Variants in UPF2 observed in about 807,000 individuals in gnomAD.
UPF2 encodes regulator of nonsense transcripts 2.
Under a neutral mutation model 141.4 loss-of-function variants are expected in UPF2, and 17 were observed. The observed-to-expected ratio is 0.12, with a 90% CI of 0.08 to 0.18. The LOEUF is 0.18. Among genes scored for constraint, UPF2 ranks in the 10% least tolerant of loss-of-function variants. The pLI is 1.00. For synonymous variants in UPF2, 540 were observed against 498.0 expected, an observed-to-expected ratio of 1.08 and a Z score of -1.12; for missense variants, 1,152 against 1,515.9, an observed-to-expected ratio of 0.76 and a Z score of 3.99.
At position 11,931,029 on chromosome 10, in the gene UPF2, T is replaced by C. The variant is rs530927400; in HGVS notation, c.3688+612A>G. Among the ~76,000 whole-genome samples the C allele has an allele frequency of 2.6e-4, 40 of 152,244 alleles. No homozygotes were observed. In the South Asian group the frequency reaches 5.8e-3, roughly 22 times the overall value. ...CCAACTAACTGAAAAATGCTGGGTATGTATGCATAAAATGAGAATCCTAAT... is the reference window on the plus strand; with the variant it reads ...CCAACTAACTGAAAAATGCTGGGTACGTATGCATAAAATGAGAATCCTAAT... On this transcript the variant is annotated intron_variant, in intron 20 of 21. Transcript: ENST00000357604. This position sits in a 1 kb window ranked among gnomAD's most constrained non-coding sequence, Gnocchi z 5.9.
At chr10:11,990,540 C>T (rs932343459) in intron 8 of UPF2, among the ~76,000 whole-genome samples, 5 of 151,868 alleles carry the variant, frequency 3.3e-5, no homozygotes, top group Middle Eastern at 3.4e-3. Flanking sequence ...ATTAGCCGGG[C>T]GTGGTGGCAG....
At chr10:12,027,272 T>G (rs1332133603) in intron 3 of UPF2, among the ~76,000 whole-genome samples, 1 of 152,216 alleles carries the variant, frequency 6.6e-6, no homozygotes, top group African/African-American at 2.4e-5. Context: ...GAAAGGTGAA[T>G]GGATTGGATT....
In UPF2 at chr10:11,990,221, C is replaced by T. The variant is rs534237326; in HGVS notation, c.1844+7451G>A. ...TCAACATGCTTCTTTCAATGATAAA[C>T]ACATATTGTTTCTCTATAGTTTGAC... On this transcript the variant is annotated intron_variant, in intron 8 of 21. Coordinates refer to ENST00000357604, the MANE Select transcript of UPF2 (RefSeq NM_015542.4). 7.4e-4 allele frequency among the ~76,000 whole-genome samples: 113 copies of T among 152,284 alleles called. 2 individuals carry two copies. In the South Asian group the frequency reaches 9.1e-3, roughly 12 times the overall value.
chr10:11,998,270 T>C lies in UPF2; in HGVS notation c.1759-513A>G, dbSNP rs1344828601. Among the ~76,000 whole-genome samples the C allele has an allele frequency of 6.6e-6, 1 of 152,130 alleles. No individual in the cohort carries two copies. Among genetic ancestry groups the C allele is most frequent in the African/African-American group, 2.4e-5 (1 of 41,420 alleles). On this transcript the variant is annotated intron_variant, in intron 7 of 21. Coordinates refer to ENST00000357604, the MANE Select transcript of UPF2 (RefSeq NM_015542.4). The surrounding 1 kb of genome is among the most constrained non-coding windows in gnomAD (Gnocchi z 4.5). Reference sequence around the variant, plus strand: ...CAGGAAATGGCGCTCTCTCTCTCTCTCCAAGATGCCTTAACTGACAGAGGA... The same window carrying C: ...CAGGAAATGGCGCTCTCTCTCTCTCCCCAAGATGCCTTAACTGACAGAGGA...
chr10:11,968,052 G>A (rs1238565538), intron 9 of UPF2, among the ~76,000 whole-genome samples: 1 of 152,026 alleles, frequency 6.6e-6, no homozygotes, highest in African/African-American at 2.4e-5. Flanking sequence ...AGTGGCAGGC[G>A]CCTGTAATCC....
At chr10:11,961,648 G>C (rs2895495) in intron 11 of UPF2, among the ~76,000 whole-genome samples, 147,637 of 152,170 alleles carry the variant, frequency 0.97, 71,782 homozygotes, top group Middle Eastern at 1. Context: ...ATTTCAAGTT[G>C]TGTGTGTATG....
At chr10:11,968,516 G>A (rs1342502193) in intron 9 of UPF2, among the ~76,000 whole-genome samples, 1 of 152,192 alleles carries the variant, frequency 6.6e-6, no homozygotes, top group South Asian at 2.1e-4. Flanking sequence ...CTGGTATTCA[G>A]GCTGGCTAGT....
chr10:11,985,342 G>A (rs1833669653), intron 8 of UPF2, among the ~76,000 whole-genome samples: 1 of 152,092 alleles, frequency 6.6e-6, no homozygotes, highest in Admixed American at 6.6e-5. Context: ...TCCTGCTTAA[G>A]AATGCTTTCT....
intron 2 of UPF2, among the ~76,000 whole-genome samples, chr10:12,031,667 T>C (rs1834526353): frequency 6.6e-6 from 1 of 152,094 alleles, no homozygotes; most frequent in Non-Finnish European, 1.5e-5. Flanking sequence ...TCCCAGTTAC[T>C]TGGGAGGCTG....
Position 12,028,921 on chromosome 10 carries a change from T to C in UPF2, c.969A>G (p.Val323=), listed in dbSNP as rs112320967. ...RHCGDDIAGL[V]PRKVKSAAEK... The stretch of plus-strand genomic sequence containing the variant: ...CTGCAGCACTCTTTACTTTCCTTGG[T>C]ACAAGTCCAGCAATATCATCTCCAC... Residue 323 remains valine (V), a synonymous_variant, in exon 3 of 22, where the codon GTA becomes GTG. Coordinates refer to ENST00000357604, the MANE Select transcript of UPF2 (RefSeq NM_015542.4). The C allele has an allele frequency of 6.2e-7, 1 of 1,614,198 alleles. No homozygotes were observed. Among genetic ancestry groups the C allele is most frequent in the East Asian group, 2.2e-5 (1 of 44,880 alleles).
At chr10:12,025,995 T>C (rs2174578) in intron 3 of UPF2, among the ~76,000 whole-genome samples, 32,843 of 152,032 alleles carry the variant, frequency 0.22, 3,869 homozygotes, top group East Asian at 0.46. Context: ...GGTTTCAGCA[T>C]GTTGCCCAGG....
At chr10:12,001,608 T>A in intron 6 of UPF2, 68 bp downstream of exon 6, 1 of 1,409,576 alleles carries the variant, frequency 7.1e-7, no homozygotes, top group East Asian at 2.3e-5. Flanking sequence ...AAAAGATCTA[T>A]ATTCTTAGGC....
intron 16 of UPF2, 27 bp from the exon 17 acceptor site, chr10:11,943,195 A>T: frequency 6.5e-7 from 1 of 1,545,388 alleles, no homozygotes; most frequent in Non-Finnish European, 8.9e-7. Context: ...TTAGAAGATT[A>T]AATAACTTTT....
At chr10:11,993,697 G>C (rs1833819552) in intron 8 of UPF2, among the ~76,000 whole-genome samples, 1 of 152,114 alleles carries the variant, frequency 6.6e-6, no homozygotes, top group African/African-American at 2.4e-5. Context: ...AGATGGCTGG[G>C]CACAGCGGCT....
chr10:11,991,076 C>T (rs977844849), intron 8 of UPF2, among the ~76,000 whole-genome samples: 8 of 151,358 alleles, frequency 5.3e-5, no homozygotes, highest in Non-Finnish European at 1.0e-4. Context: ...GTAAGTACAG[C>T]ATCAGTGCAA....
At chr10:12,031,215 A>G (rs1416638677) in intron 2 of UPF2, among the ~76,000 whole-genome samples, 1 of 151,364 alleles carries the variant, frequency 6.6e-6, no homozygotes, top group African/African-American at 2.4e-5. Context: ...AATGTTAGAT[A>G]TTGTTTTTCC....
rs1238283210 is a variant in UPF2, at chr10:11,992,062, C to T, written c.1844+5610G>A. On this transcript the variant is annotated intron_variant, in intron 8 of 21. Transcript: ENST00000357604. This position sits in a 1 kb window ranked among gnomAD's most constrained non-coding sequence, Gnocchi z 4.1. Reference sequence around the variant, plus strand: ...TCAGGAGCCTGAGGCAGAAGAATCGCTTGAACTGGAGGCAGAGGTTGCAGT... The same window carrying T: ...TCAGGAGCCTGAGGCAGAAGAATCGTTTGAACTGGAGGCAGAGGTTGCAGT... 2.6e-5 allele frequency among the ~76,000 whole-genome samples: 4 copies of T among 152,016 alleles called. No homozygotes were observed. The highest frequency in any genetic ancestry group is 9.7e-5 in the African/African-American group (4 of 41,374).
At chr10:11,948,643 T>A in intron 15 of UPF2, 135 bp from the exon 16 acceptor site, 8 of 1,011,636 alleles carry the variant, frequency 7.9e-6, no homozygotes, top group Non-Finnish European at 1.1e-5. Flanking sequence ...GTAAAAGAAT[T>A]AAAAACTACG....
intron 7 of UPF2, 63 bp downstream of exon 7, chr10:11,999,843 C>T (rs988203406): frequency 1.1e-5 from 15 of 1,308,700 alleles, no homozygotes; most frequent in Non-Finnish European, 1.5e-5. Flanking sequence ...CATAGACATT[C>T]CTTATCAGAG....
Sources: allele counts gnomAD v4.1 joint callset (sites outside exome capture counted in the v4.1 genomes callset), GRCh38; gene constraint gnomAD v4.1.1; non-coding constraint Gnocchi (gnomAD v3.1); transcripts MANE v1.5; gene names NCBI Gene and HGNC (gene_info 2026-07-23, HGNC 2026-07-21).